WSB2: variants seen among roughly 807,000 people sequenced by gnomAD.
The protein encoded by WSB2 is WD repeat and SOCS box containing 2.
A neutral mutation model predicts 48.8 loss-of-function variants in WSB2; 12 were observed. The ratio of observed to expected loss-of-function variants is 0.25; its 90% CI spans 0.16 to 0.40. The LOEUF is 0.40. WSB2 is among the 10% of genes least tolerant of loss of function. The pLI is 1.00. For missense variants in WSB2, 317 were observed against 506.2 expected, an observed-to-expected ratio of 0.63 and a Z score of 3.59; for synonymous variants, 191 against 203.1, an observed-to-expected ratio of 0.94 and a Z score of 0.51.
At chr12:118,052,188 C>T in intron 2 of WSB2, 122 bp downstream of exon 2, 1 of 1,339,748 alleles carries the variant, frequency 7.5e-7, no homozygotes, top group Non-Finnish European at 1.0e-6. Context: ...TGGAAACCCC[C>T]ATGATCAATT....
chr12:118,041,111 T>G (rs1014039535), intron 4 of WSB2, among the ~76,000 whole-genome samples: 2 of 152,184 alleles, frequency 1.3e-5, no homozygotes, highest in Non-Finnish European at 2.9e-5. Context: ...TGCCTTCAGA[T>G]GAGGATGCAT....
intron 6 of WSB2, 29 bp from the exon 7 acceptor site, chr12:118,035,353 C>A (rs752672356): frequency 6.2e-7 from 1 of 1,602,548 alleles, no homozygotes; most frequent in Non-Finnish European, 8.5e-7. Flanking sequence ...GGATGGCAGG[C>A]CTGGAGTGAT....
intron 8 of WSB2, 71 bp downstream of exon 8, chr12:118,034,915 C>A: frequency 6.9e-7 from 1 of 1,449,806 alleles, no homozygotes; most frequent in Non-Finnish European, 9.5e-7. Context: ...TAGATGGTTT[C>A]TTTCCTTAAA....
intron 1 of WSB2, among the ~76,000 whole-genome samples, chr12:118,057,779 T>TG (rs1356394827): frequency 2.7e-5 from 4 of 150,886 alleles, no homozygotes; most frequent in East Asian, 3.9e-4. Context: ...TATTTGGGTT[T>TG]TTTTTTTTTT....
At chr12:118,054,681 A>AAATAATAATAAT (rs57072102) in intron 1 of WSB2, among the ~76,000 whole-genome samples, 1 of 130,598 alleles carries the variant, frequency 7.7e-6, no homozygotes, top group African/African-American at 2.7e-5. Context: ...CTGTCTCAAA[A>AAATAATAATAAT]AATAATAATA....
chr12:118,034,583 G>A, intron 8 of WSB2: 2 of 537,436 alleles, frequency 3.7e-6, no homozygotes, highest in Non-Finnish European at 3.2e-6. Flanking sequence ...CGCTCTCTCT[G>A]TCTCTCTCTC....
rs2032036679 is a variant in WSB2, at chr12:118,060,275, T to G, written c.13+761A>C. On this transcript the variant is annotated intron_variant, in intron 1 of 8. Coordinates refer to ENST00000315436, the MANE Select transcript of WSB2 (RefSeq NM_018639.5). The surrounding 1 kb of genome is among the most constrained non-coding windows in gnomAD (Gnocchi z 4.1). ...TTCATCTGGGCTGGCTTGAGGTATA[T>G]CCAATATCCTCTGACTTCCACGCTG... Among the ~76,000 whole-genome samples, 1 of 152,070 alleles carries G rather than the reference T, an allele frequency of 6.6e-6. No homozygotes were observed. The highest frequency in any genetic ancestry group is 1.5e-5 in the Non-Finnish European group (1 of 68,008).
rs1487473550 is a variant in WSB2 at position 118,060,911 on chromosome 12, C to A, written c.13+125G>T. On this transcript the variant is annotated intron_variant, in intron 1 of 8. Coordinates refer to ENST00000315436, the MANE Select transcript of WSB2 (RefSeq NM_018639.5). The surrounding 1 kb of genome is among the most constrained non-coding windows in gnomAD (Gnocchi z 4.1). ...CCCCGCGCGGACCTCCCAGGCCGGACGCCCCCGCCGCGTCCAGCCCCCGCC... is the reference window on the plus strand; with the variant it reads ...CCCCGCGCGGACCTCCCAGGCCGGAAGCCCCCGCCGCGTCCAGCCCCCGCC... 2 of 367,452 alleles carry A rather than the reference C, an allele frequency of 5.4e-6. No individual in the cohort carries two copies. Among genetic ancestry groups the A allele is most frequent in the Non-Finnish European group, 7.5e-6 (2 of 265,234 alleles). 22.8% of individuals were successfully genotyped at this position (367,452 alleles called of 1,614,324 possible).
chr12:118,046,384 G>A (rs2031745960), intron 2 of WSB2, among the ~76,000 whole-genome samples: 1 of 150,820 alleles, frequency 6.6e-6, no homozygotes, highest in African/African-American at 2.4e-5. Context: ...AATCACTTGA[G>A]CCCAGGAGGC....
rs999202193 is a variant in WSB2 at position 118,043,495 on chromosome 12, C to T, written c.183-118G>A. ...GGGAAGGGTCTGTCACCCAAGCTGG[C>T]GTACAGTGACACAATCATGGCTCAC... On this transcript the variant is annotated intron_variant, in intron 2 of 8. Coordinates refer to ENST00000315436, the MANE Select transcript of WSB2 (RefSeq NM_018639.5). The T allele has an allele frequency of 2.6e-5, 38 of 1,441,622 alleles. No individual in the cohort carries two copies. The Admixed American group carries it at 5.2e-4, about 20-fold the overall frequency. The allele number at this position is 1,441,622 out of a possible 1,614,324, so 89.3% of individuals were successfully genotyped here.
chr12:118,052,015 C>G (rs2031862416), intron 2 of WSB2, among the ~76,000 whole-genome samples: 2 of 152,088 alleles, frequency 1.3e-5, no homozygotes, highest in South Asian at 2.1e-4. Context: ...GTGATGGATG[C>G]ACAACTCTGT....
At chr12:118,053,277 T>C (rs549305111) in intron 1 of WSB2, among the ~76,000 whole-genome samples, 18 of 152,056 alleles carry the variant, frequency 1.2e-4, no homozygotes, top group Non-Finnish European at 2.5e-4. Flanking sequence ...CAGGCCACAC[T>C]CTGGCCACAA....
Position 118,045,236 on chromosome 12 carries a change from T to C in WSB2, c.183-1859A>G, listed in dbSNP as rs193214381. On this transcript the variant is annotated intron_variant, in intron 2 of 8. Coordinates refer to ENST00000315436, the MANE Select transcript of WSB2 (RefSeq NM_018639.5). Reference sequence around the variant, plus strand: ...AAAATTAGCCGGGCGTGGTGGCGGGTGCCTGTAGTCCCAGCTACTCGGAGA... The same window carrying C: ...AAAATTAGCCGGGCGTGGTGGCGGGCGCCTGTAGTCCCAGCTACTCGGAGA... Among the ~76,000 whole-genome samples, 1,485 of 150,778 alleles carry C rather than the reference T, an allele frequency of 9.8e-3. 14 individuals are homozygous for C. The highest frequency in any genetic ancestry group is 0.016 in the Non-Finnish European group (1,068 of 67,760).
At chr12:118,044,118 T>C (rs2031698793) in intron 2 of WSB2, among the ~76,000 whole-genome samples, 1 of 149,650 alleles carries the variant, frequency 6.7e-6, no homozygotes, top group African/African-American at 2.5e-5. Context: ...AAACTCTATC[T>C]CAAAAAAAAA....
chr12:118,061,040 G>A lies in WSB2; in HGVS notation c.9C>T (p.Ala3=). 3 of 983,432 alleles carry A rather than the reference G, an allele frequency of 3.1e-6. No homozygotes were observed. Among genetic ancestry groups the A allele is most frequent in the South Asian group, 4.6e-5 (1 of 21,898 alleles). 60.9% of individuals were successfully genotyped at this position (983,432 alleles called of 1,614,324 possible). A position where few individuals can be genotyped will look rare whatever the true frequency, so the allele number is the denominator to read the frequency against. Residue 3 remains alanine (A), a synonymous_variant, in exon 1 of 9, where the codon GCC becomes GCT. Transcript: ENST00000315436. ...GGCGCGCCCGGCCCCACTCACCTCC[G>A]GCCTCCATGGAGGACGCGAGCGGCC... ME[A]GEEPLLLAEL... is the part of the protein sequence containing the mutation.
chr12:118,049,279 TGGAA>T (rs2031804200), intron 2 of WSB2, among the ~76,000 whole-genome samples: 1 of 152,214 alleles, frequency 6.6e-6, no homozygotes. Context: ...AAATATCATA[TGGAA>T]ATGGTAAAAT....
At chr12:118,046,461 C>A in intron 2 of WSB2, among the ~76,000 whole-genome samples, 1 of 128,578 alleles carries the variant, frequency 7.8e-6, no homozygotes, top group African/African-American at 3.1e-5. Flanking sequence ...AGCAAGACTC[C>A]ATCTCAAAAA....
At chr12:118,041,535 G>A (rs2031635792) in intron 4 of WSB2, among the ~76,000 whole-genome samples, 1 of 152,022 alleles carries the variant, frequency 6.6e-6, no homozygotes, top group Admixed American at 6.6e-5. Context: ...GCTGTGTGGA[G>A]CTGGACAGTC....
At chr12:118,038,159 C>T in intron 5 of WSB2, 129 bp downstream of exon 5, 6 of 768,748 alleles carry the variant, frequency 7.8e-6, no homozygotes, top group Non-Finnish European at 1.2e-5. Context: ...CAGGTGGTGG[C>T]CATGGCCCAC....
Sources: gnomAD v4.1 joint callset for allele counts (sites outside exome capture counted in the v4.1 genomes callset) on GRCh38, gnomAD v4.1.1 for gene constraint, Gnocchi (gnomAD v3.1) non-coding constraint, MANE v1.5 for transcripts, NCBI Gene and HGNC (gene_info 2026-07-23, HGNC 2026-07-21) for gene names.